Variants in WNK1 observed in about 807,000 individuals in gnomAD.
WNK1 encodes the protein WNK lysine deficient protein kinase 1, also known as serine/threonine-protein kinase WNK1.
Under a neutral mutation model 222.8 loss-of-function variants are expected in WNK1, and 38 were observed. That is an observed-to-expected ratio of 0.17 (90% confidence interval 0.13 to 0.22). The LOEUF (loss-of-function observed/expected upper bound fraction) is 0.22. WNK1 is among the 10% of genes least tolerant of loss of function. WNK1 has a pLI of 1.00. For synonymous variants in WNK1, 1,090 were observed against 1,092.9 expected (o/e 1.00, Z 0.05); for missense variants, 2,348 against 2,918.4 (o/e 0.80, Z 4.50).
At chr12:847,565 A>G (rs898434868) in intron 4 of WNK1, among the ~76,000 whole-genome samples, 1 of 152,158 alleles carries the variant, frequency 6.6e-6, no homozygotes, top group Non-Finnish European at 1.5e-5. Context: ...TATGATTTTC[A>G]CACCACTTTT....
intron 8 of WNK1, among the ~76,000 whole-genome samples, chr12:866,376 G>A (rs560381386): frequency 1.3e-5 from 2 of 152,132 alleles, no homozygotes; most frequent in Non-Finnish European, 2.9e-5. Context: ...ATTTATTTAT[G>A]TTTTGGAGAT....
At chr12:829,969 T>C (rs1657964888) in intron 3 of WNK1, 34 bp from the exon 4 acceptor site, 1 of 1,613,592 alleles carries the variant, frequency 6.2e-7, no homozygotes, top group Non-Finnish European at 8.5e-7. Flanking sequence ...AAGCTTCTGC[T>C]CGCATTGAGT....
intron 1 of WNK1, among the ~76,000 whole-genome samples, chr12:763,460 A>T (rs1310371613): frequency 2.0e-5 from 3 of 146,632 alleles, no homozygotes; most frequent in Non-Finnish European, 4.6e-5. Flanking sequence ...GTGGTGGTGC[A>T]TGCCTGTAAT....
intron 22 of WNK1, among the ~76,000 whole-genome samples, chr12:892,063 CTTT>C (rs56227513): frequency 7.4e-6 from 1 of 135,070 alleles, no homozygotes; most frequent in Non-Finnish European, 1.6e-5. Flanking sequence ...GCTTGGAAAT[CTTT>C]TTTTTTTTTA....
chr12:754,860 A>G (rs1024484668), intron 1 of WNK1, among the ~76,000 whole-genome samples: 3 of 152,120 alleles, frequency 2.0e-5, no homozygotes, highest in African/African-American at 7.2e-5. Context: ...TGGATGTTTG[A>G]TGTTGTTCTA....
At position 754,336 on chromosome 12, in the gene WNK1, C is replaced by G; in HGVS notation, c.759+12C>G. 6.2e-7 allele frequency: 1 copy of G among 1,610,750 alleles called. No homozygotes were observed. ...GGTGTGAACTGCAGGTAAAGCCCCACCTACTTTATTTGACGGTCCTTTGGA... is the reference window on the plus strand; with the variant it reads ...GGTGTGAACTGCAGGTAAAGCCCCAGCTACTTTATTTGACGGTCCTTTGGA... On this transcript the variant is annotated intron_variant, in intron 1 of 27. Transcript: ENST00000315939.
chr12:882,862 G>A (rs1026022951), intron 14 of WNK1, 81 bp from the exon 15 acceptor site: 156 of 871,944 alleles, frequency 1.8e-4, no homozygotes, highest in Non-Finnish European at 2.4e-5. Flanking sequence ...AAAGTCAAGT[G>A]CTAATCTGCA....
chr12:856,695 G>C (rs1437979386), intron 4 of WNK1, among the ~76,000 whole-genome samples: 1 of 152,138 alleles, frequency 6.6e-6, no homozygotes, highest in African/African-American at 2.4e-5. Context: ...ACTCCTTTGA[G>C]TTTGTTAAAG....
intron 26 of WNK1, chr12:906,297 C>G: frequency 1.0e-6 from 1 of 984,868 alleles, no homozygotes; most frequent in Non-Finnish European, 1.2e-6. Flanking sequence ...CCAAAACGTG[C>G]CTCTTGGAAT....
chr12:776,412 T>TTGTGTGTTTGTG (rs1555082816), intron 1 of WNK1, among the ~76,000 whole-genome samples: 9 of 146,232 alleles, frequency 6.2e-5, no homozygotes, highest in Admixed American at 2.8e-4. Context: ...GTTTGTGTGT[T>TTGTGTGTTTGTG]TGTGTGTGTG....
intron 2 of WNK1, among the ~76,000 whole-genome samples, chr12:816,964 G>A (rs1319500031): frequency 1.3e-5 from 2 of 151,648 alleles, no homozygotes; most frequent in Non-Finnish European, 2.9e-5. Context: ...GGAATTGAAG[G>A]AAAAAGACAC....
intron 8 of WNK1, chr12:868,582 T>A (rs960796732): frequency 1.2e-6 from 2 of 1,613,902 alleles, no homozygotes; most frequent in African/African-American, 2.7e-5. Flanking sequence ...ATTCTGCGCC[T>A]GCTGTGTTAA....
chr12:808,880 C>T (rs2154003561), intron 1 of WNK1, among the ~76,000 whole-genome samples: 1 of 151,670 alleles, frequency 6.6e-6, no homozygotes, highest in African/African-American at 2.4e-5. Context: ...TCTCTGGCCT[C>T]AGCCTCCCAA....
intron 4 of WNK1, among the ~76,000 whole-genome samples, chr12:831,276 G>T (rs1948770272): frequency 6.6e-6 from 1 of 152,220 alleles, no homozygotes; most frequent in South Asian, 2.1e-4. Context: ...GGTGGCTTAT[G>T]CCTGTAATCT....
rs1282550504 is a variant in WNK1, at chr12:890,399, G to T, written c.5449-54G>T. 3 of 1,610,568 alleles carry T rather than the reference G, an allele frequency of 1.9e-6. No homozygotes were observed. In the East Asian group the frequency reaches 6.7e-5, roughly 36 times the overall value. ...CCATAGGAAAGGCAACGAGGCAAAA[G>T]TTTGAGTGACTGAAGCTAAAGATTT... On this transcript the variant is annotated intron_variant, in intron 21 of 27. Transcript: ENST00000315939.
At chr12:815,422 C>T (rs1438522430) in intron 2 of WNK1, among the ~76,000 whole-genome samples, 1 of 152,166 alleles carries the variant, frequency 6.6e-6, no homozygotes, top group African/African-American at 2.4e-5. Context: ...GAAATGCTTA[C>T]GGTTAGCATG....
chr12:869,143 A>C (rs574712724), intron 8 of WNK1: 1 of 1,606,376 alleles, frequency 6.2e-7, no homozygotes, highest in African/African-American at 1.3e-5. Context: ...AAACTACCCT[A>C]CTTTGCACCA....
intron 1 of WNK1, among the ~76,000 whole-genome samples, chr12:798,815 C>T (rs1159843194): frequency 6.6e-6 from 1 of 152,096 alleles, no homozygotes. Context: ...TCCTCCTTGA[C>T]ACTCGTGGTA....
At chr12:836,890 AATCAG>A (rs1448410508) in intron 4 of WNK1, among the ~76,000 whole-genome samples, 1 of 151,358 alleles carries the variant, frequency 6.6e-6, no homozygotes, top group Admixed American at 6.6e-5. Flanking sequence ...TCAGAGTATT[AATCAG>A]AAATATTTTT....
Sources: allele counts gnomAD v4.1 joint callset (sites outside exome capture counted in the v4.1 genomes callset), GRCh38; gene constraint gnomAD v4.1.1; transcripts MANE v1.5; gene names NCBI Gene and HGNC (gene_info 2026-07-23, HGNC 2026-07-21).